The following BACH2 variants were observed in gnomAD, a reference collection of about 807,000 sequenced individuals.
The protein encoded by BACH2 is transcription regulator protein BACH2.
BACH2 carries 5 observed loss-of-function variants against 61.8 expected under a neutral mutation model. That is an observed-to-expected ratio of 0.08 (90% CI 0.04 to 0.17). The LOEUF is 0.17. Ranked by LOEUF, BACH2 falls within the 10% of genes least tolerant of loss-of-function variation. The pLI is 1.00. For missense variants in BACH2, 824 were observed against 1,091.1 expected (o/e 0.76, Z 3.45); for synonymous variants, 446 against 440.1 (o/e 1.01, Z -0.17).
At chr6:89,935,502 G>A (rs1252804903) in intron 8 of BACH2, among the ~76,000 whole-genome samples, 1 of 152,148 alleles carries the variant, frequency 6.6e-6, no homozygotes, top group African/African-American at 2.4e-5. Context: ...ACAGCAGCAG[G>A]GGAAGGCATT....
intron 5 of BACH2, among the ~76,000 whole-genome samples, chr6:90,015,331 G>A (rs572475188): frequency 1.3e-3 from 205 of 151,916 alleles, no homozygotes; most frequent in Non-Finnish European, 2.4e-3. Context: ...GTTTAATTGG[G>A]TCTTTTTTTC....
chr6:90,022,570 C>T (rs1484834190), intron 5 of BACH2, among the ~76,000 whole-genome samples: 1 of 152,116 alleles, frequency 6.6e-6, no homozygotes, highest in Non-Finnish European at 1.5e-5. Flanking sequence ...GGCGACAGAG[C>T]AAGACTCCGT....
chr6:90,280,900 T>C (rs1771840505), intron 1 of BACH2, among the ~76,000 whole-genome samples: 1 of 152,122 alleles, frequency 6.6e-6, no homozygotes, highest in East Asian at 1.9e-4. Flanking sequence ...CTTCTAGTGA[T>C]GGAAGACACT....
At chr6:90,169,706 C>T (rs953386899) in intron 4 of BACH2, among the ~76,000 whole-genome samples, 3 of 152,150 alleles carry the variant, frequency 2.0e-5, no homozygotes, top group Non-Finnish European at 4.4e-5. Context: ...ACACTGCTGC[C>T]GTCTTTAAAG....
intron 6 of BACH2, among the ~76,000 whole-genome samples, chr6:89,962,257 A>T (rs1245031723): frequency 1.3e-5 from 2 of 152,088 alleles, no homozygotes; most frequent in South Asian, 2.1e-4. Flanking sequence ...TCATCTACCT[A>T]GGGCTTCCTT....
chr6:89,952,965 T>A (rs1774220604), intron 6 of BACH2: 5 of 152,250 alleles, frequency 3.3e-5, no homozygotes, highest in Admixed American at 3.3e-4. Context: ...TTGCAAGCAC[T>A]GCTGACCACA....
In BACH2 at chr6:89,950,062, C is replaced by A; in HGVS notation, c.1836+208G>T. 4.8e-6 allele frequency: 3 copies of A among 626,388 alleles called. No homozygotes were observed. The South Asian group carries it at 5.7e-5, about 12-fold the overall frequency. The allele number at this position is 626,388 out of a possible 1,614,324, so 38.8% of individuals were successfully genotyped here. A position where few individuals can be genotyped will look rare whatever the true frequency, so the allele number is the denominator to read the frequency against. ...GCTTGTCGAGTATTGAGATCCAGAT[C>A]AAATATCAAGTGCTTTTCTAGGACA... On this transcript the variant is annotated intron_variant, in intron 7 of 8. Transcript: ENST00000257749. The surrounding 1 kb of genome is among the most constrained non-coding windows in gnomAD (Gnocchi z 5.3).
intron 1 of BACH2, among the ~76,000 whole-genome samples, chr6:90,273,095 T>G (rs1174499124): frequency 6.6e-6 from 1 of 152,116 alleles, no homozygotes. Flanking sequence ...GTGCAGTGGC[T>G]CACACCTGTA....
At chr6:90,116,747 T>A in intron 4 of BACH2, 1 of 438,538 alleles carries the variant, frequency 2.3e-6, no homozygotes, top group Non-Finnish European at 4.3e-6. Context: ...TGCTACCACA[T>A]AAGTCTTCTT....
At chr6:90,273,301 T>C (rs1771588404) in intron 1 of BACH2, among the ~76,000 whole-genome samples, 1 of 152,212 alleles carries the variant, frequency 6.6e-6, no homozygotes, top group African/African-American at 2.4e-5. Flanking sequence ...GAGGCCACCA[T>C]GAGCTACGAT....
chr6:90,142,677 C>A lies in BACH2; in HGVS notation c.-161-53568G>T, dbSNP rs558086373. On this transcript the variant is annotated intron_variant, in intron 4 of 8. Transcript: ENST00000257749. ...TCTTGCCTTATATTCAGACATATTT[C>A]ATGTATACACAATGAAAAAAAGATT... Among the ~76,000 whole-genome samples, 4 of 152,108 alleles carry A rather than the reference C, an allele frequency of 2.6e-5. No homozygotes were observed. The South Asian group carries it at 8.3e-4, about 32-fold the overall frequency.
chr6:89,931,328 A>G lies in BACH2; in HGVS notation c.*1080T>C, dbSNP rs905168030. ...CTTTGCTTAGGGAAAGGTGGGGAGG[A>G]GGTGAAATATAAAAATATTCAAGCA... On this transcript the variant is annotated 3_prime_UTR_variant, in exon 9 of 9. Coordinates refer to ENST00000257749, the MANE Select transcript of BACH2 (RefSeq NM_021813.4). The G allele has an allele frequency of 1.3e-5, 2 of 152,574 alleles. No homozygotes were observed. The highest frequency in any genetic ancestry group is 4.8e-5 in the African/African-American group (2 of 41,442). 9.5% of individuals were successfully genotyped at this position (152,574 alleles called of 1,614,324 possible). A position where few individuals can be genotyped will look rare whatever the true frequency, so the allele number is the denominator to read the frequency against.
chr6:90,142,147 G>A (rs960505765), intron 4 of BACH2, among the ~76,000 whole-genome samples: 15 of 152,100 alleles, frequency 9.9e-5, no homozygotes, highest in African/African-American at 3.1e-4. Flanking sequence ...TTGTTAGAAC[G>A]TCTTTCGAGT....
At chr6:90,098,286 C>CT (rs1161033572) in intron 4 of BACH2, among the ~76,000 whole-genome samples, 1 of 151,164 alleles carries the variant, frequency 6.6e-6, no homozygotes, top group Non-Finnish European at 1.5e-5. Flanking sequence ...CCCCCCGCAA[C>CT]CCCCACCCTT....
At chr6:89,953,997 C>T (rs1216075622) in intron 6 of BACH2, among the ~76,000 whole-genome samples, 1 of 152,152 alleles carries the variant, frequency 6.6e-6, no homozygotes, top group South Asian at 2.1e-4. Flanking sequence ...CCTTTTCTTC[C>T]AAGAATCTTT....
intron 6 of BACH2, among the ~76,000 whole-genome samples, chr6:90,000,898 G>A (rs1001865522): frequency 2.6e-5 from 4 of 152,038 alleles, no homozygotes; most frequent in Non-Finnish European, 1.5e-5. Flanking sequence ...CTCCCTTCCT[G>A]GCCAGTTTGC....
At chr6:90,063,944 A>C (rs999372135) in intron 5 of BACH2, among the ~76,000 whole-genome samples, 34 of 152,194 alleles carry the variant, frequency 2.2e-4, no homozygotes, top group African/African-American at 7.7e-4. Flanking sequence ...TTGGTGGTAC[A>C]TAATATATTT....
intron 5 of BACH2, among the ~76,000 whole-genome samples, chr6:90,035,898 A>G (rs954645913): frequency 5.9e-5 from 9 of 151,870 alleles, no homozygotes; most frequent in Non-Finnish European, 1.0e-4. Flanking sequence ...GGTTTCCACT[A>G]TATTTTATTA....
chr6:90,061,087 A>C (rs918260478), intron 5 of BACH2, among the ~76,000 whole-genome samples: 1 of 152,190 alleles, frequency 6.6e-6, no homozygotes, highest in African/African-American at 2.4e-5. Context: ...AAAGTAGGAG[A>C]GTGACATCTG....
Sources: allele counts gnomAD v4.1 joint callset (sites outside exome capture counted in the v4.1 genomes callset), GRCh38; gene constraint gnomAD v4.1.1; non-coding constraint Gnocchi (gnomAD v3.1); transcripts MANE v1.5; gene names NCBI Gene and HGNC (gene_info 2026-07-23, HGNC 2026-07-21).